Variants in GIPC1 observed in about 807,000 individuals in gnomAD.
The protein encoded by GIPC1 is GIPC PDZ domain containing family member 1.
A neutral mutation model predicts 28.5 loss-of-function variants in GIPC1; 15 were observed. That is an observed-to-expected ratio of 0.53 (90% CI 0.35 to 0.81). GIPC1 has a LOEUF of 0.81. Ranked by LOEUF, GIPC1 falls within the 30% of genes least tolerant of loss-of-function variation. The pLI, the probability that GIPC1 is intolerant of heterozygous loss-of-function variation, is 0.01. For missense variants in GIPC1, 439 were observed against 481.9 expected (o/e 0.91, Z 0.83); for synonymous variants, 224 against 206.1 (o/e 1.09, Z -0.74).
rs751463826 is a variant in GIPC1, at chr19:14,482,696, G to A, written c.281C>T (p.Thr94Ile). Residue 94 changes from threonine (T) to isoleucine (I), a missense_variant, in exon 4 of 9, where the codon ACT (threonine) becomes ATT (isoleucine). Coordinates refer to ENST00000393033, the MANE Select transcript of GIPC1 (RefSeq NM_005716.4). ...CGGCTCCCCAGTGGATACCTCGGCA[G>A]TTGGCAGGCGGAAGGCCTCGGCGAT... is the stretch of plus-strand genomic sequence containing the variant. ...GKIAEAFRLP[T>I]AEVMFCTLNT... 3.8e-5 allele frequency: 61 copies of A among 1,611,236 alleles called. No individual in the cohort carries two copies. The highest frequency in any genetic ancestry group is 1.8e-4 in the Admixed American group (11 of 59,960).
At chr19:14,479,986 G>A (rs560990015) in intron 6 of GIPC1, 3 of 501,184 alleles carry the variant, frequency 6.0e-6, no homozygotes, top group Admixed American at 3.7e-5. Context: ...ATGGAAAAGT[G>A]GGGGGGCTGG....
chr19:14,480,193 C>T lies in GIPC1; in HGVS notation c.655+112G>A, dbSNP rs538326015. 235 of 902,402 alleles carry T rather than the reference C, an allele frequency of 2.6e-4. 2 individuals are homozygous for T. The African/African-American group carries it at 3.3e-3, about 13-fold the overall frequency. 55.9% of individuals were successfully genotyped at this position (902,402 alleles called of 1,614,324 possible). A position where few individuals can be genotyped will look rare whatever the true frequency, so the allele number is the denominator to read the frequency against. On this transcript the variant is annotated intron_variant, in intron 6 of 8. Coordinates refer to ENST00000393033, the MANE Select transcript of GIPC1 (RefSeq NM_005716.4). ...TGCAACCCCTTCCCTTTCTGCAACC[C>T]CTTCCCTTTCGGCAGGCCAGGCTTG...
chr19:14,484,708 T>C (rs2071799389), intron 3 of GIPC1, among the ~76,000 whole-genome samples: 1 of 151,044 alleles, frequency 6.6e-6, no homozygotes, highest in African/African-American at 2.4e-5. Flanking sequence ...GACCGTGCCA[T>C]TGCCTGGGTG....
In GIPC1 at chr19:14,478,937, C is replaced by T. The variant is rs1031357815; in HGVS notation, c.769-172G>A. On this transcript the variant is annotated intron_variant, in intron 7 of 8. Transcript: ENST00000393033. The surrounding 1 kb of genome is among the most constrained non-coding windows in gnomAD (Gnocchi z 5.2). ...CCCCATTTTACTGATGGGCAAACTGCGGCCCATGTGCCCAAGGAAGGTCCC... is the reference window on the plus strand; with the variant it reads ...CCCCATTTTACTGATGGGCAAACTGTGGCCCATGTGCCCAAGGAAGGTCCC... Among the ~76,000 whole-genome samples the T allele has an allele frequency of 2.6e-5, 4 of 152,172 alleles. No homozygotes were observed. The highest frequency in any genetic ancestry group is 9.7e-5 in the African/African-American group (4 of 41,434).
intron 3 of GIPC1, among the ~76,000 whole-genome samples, chr19:14,490,347 C>G (rs1007701052): frequency 4.1e-5 from 6 of 145,142 alleles, no homozygotes; most frequent in Non-Finnish European, 7.6e-5. Context: ...GCCTGGGCAA[C>G]AGAGAGAGAC....
intron 1 of GIPC1, among the ~76,000 whole-genome samples, chr19:14,494,207 C>T (rs944613932): frequency 3.3e-5 from 5 of 152,166 alleles, no homozygotes; most frequent in African/African-American, 1.2e-4. Context: ...ACCCACCTGT[C>T]TCAGCCTCCC....
Position 14,482,906 on chromosome 19 carries a change from C to G in GIPC1, c.71G>C (p.Arg24Pro). 2 of 1,603,826 alleles carry G rather than the reference C, an allele frequency of 1.2e-6. No individual in the cohort carries two copies. Among genetic ancestry groups the G allele is most frequent in the South Asian group, 1.1e-5 (1 of 89,862 alleles). ...TGGCTCCCCCACGCCCAGCCCTCCA[C>G]GGCCTGGCTCAGCCTCCTCATTTTC... ...LVENEEAEPG[R>P]GGLGVGEPGP... Residue 24 changes from arginine to proline, a missense_variant, in exon 4 of 9, where the codon CGT becomes CCT. Coordinates refer to ENST00000393033, the MANE Select transcript of GIPC1 (RefSeq NM_005716.4).
Position 14,482,704 on chromosome 19 carries a change from G to C in GIPC1, c.273C>G (p.Arg91=). The C allele has an allele frequency of 6.2e-7, 1 of 1,611,412 alleles. No homozygotes were observed. Among genetic ancestry groups the C allele is most frequent in the Non-Finnish European group, 8.5e-7 (1 of 1,179,908 alleles). Residue 91 remains arginine, a synonymous_variant, in exon 4 of 9, where the codon CGC becomes CGG. Coordinates refer to ENST00000393033, the MANE Select transcript of GIPC1 (RefSeq NM_005716.4). ...CAGTGGATACCTCGGCAGTTGGCAG[G>C]CGGAAGGCCTCGGCGATCTTGCCAT... is the stretch of plus-strand genomic sequence containing the variant. The part of the protein sequence containing the change: ...ELYGKIAEAF[R]LPTAEVMFCT...
intron 3 of GIPC1, chr19:14,489,369 A>G: frequency 1.3e-6 from 1 of 783,610 alleles, no homozygotes; most frequent in Admixed American, 1.7e-5. Context: ...GGCATCTGTG[A>G]GCCCATGGAG....
At chr19:14,479,363 A>AG (rs2071672645) in intron 7 of GIPC1, 49 bp downstream of exon 7, 4 of 824,660 alleles carry the variant, frequency 4.9e-6, no homozygotes, top group East Asian at 3.4e-5. Flanking sequence ...AAAAAAAAAA[A>AG]AAAGAAAGGG....
At position 14,485,714 on chromosome 19, in the gene GIPC1, G is replaced by T. The variant is rs1318429233; in HGVS notation, c.-30-2708C>A. 5.2e-3 allele frequency among the ~76,000 whole-genome samples: 287 copies of T among 55,432 alleles called. 2 individuals carry two copies. Among genetic ancestry groups the T allele is most frequent in the South Asian group, 8.3e-3 (12 of 1,448 alleles). 36.4% of individuals were successfully genotyped at this position (55,432 alleles called of 152,430 possible). On this transcript the variant is annotated intron_variant, in intron 3 of 8. Transcript: ENST00000393033. ...ATATATATATATATAGAGAGAGAGA[G>T]AGAGAGAGAGAGAGAGAGAGAGAGA... is the stretch of plus-strand genomic sequence containing the variant.
In GIPC1 at chr19:14,482,827, A is replaced by C. The variant is rs982948708; in HGVS notation, c.150T>G (p.Pro50=). The C allele has an allele frequency of 1.5e-6, 2 of 1,347,662 alleles. No individual in the cohort carries two copies. The highest frequency in any genetic ancestry group is 2.1e-6 in the Non-Finnish European group (2 of 970,340). The allele number at this position is 1,347,662 out of a possible 1,614,324, so 83.5% of individuals were successfully genotyped here. A position where few individuals can be genotyped will look rare whatever the true frequency, so the allele number is the denominator to read the frequency against. Residue 50 remains proline, a synonymous_variant, in exon 4 of 9, where the codon CCT becomes CCG. Transcript: ENST00000393033. ...CGAGGCGGGGCCGCAGGGCTGGGGG[A>C]GGGGGGGGCAAGCCCATTTGGGGGC... ...SGGPQMGLPP[P]PPALRPRLVF...
chr19:14,493,862 T>C (rs2072021419), intron 1 of GIPC1, among the ~76,000 whole-genome samples: 1 of 151,680 alleles, frequency 6.6e-6, no homozygotes, highest in Admixed American at 6.6e-5. Context: ...GGTTTCTCCA[T>C]GTTGGTCAGG....
intron 3 of GIPC1, among the ~76,000 whole-genome samples, chr19:14,490,503 C>T (rs2071946313): frequency 6.6e-6 from 1 of 150,842 alleles, no homozygotes; most frequent in East Asian, 1.9e-4. Context: ...CATGGAGAAA[C>T]CCCATCTCTA....
At chr19:14,486,712 C>CTTTTTTTTTTT (rs35491814) in intron 3 of GIPC1, among the ~76,000 whole-genome samples, 1 of 124,756 alleles carries the variant, frequency 8.0e-6, no homozygotes, top group Non-Finnish European at 1.6e-5. Context: ...TTCTTTCTTT[C>CTTTTTTTTTTT]TTTTTTTTTT....
At chr19:14,495,649 A>G (rs929287496) in intron 1 of GIPC1, among the ~76,000 whole-genome samples, 55 of 152,030 alleles carry the variant, frequency 3.6e-4, no homozygotes, top group African/African-American at 1.3e-3. Context: ...CGTGGTCCTC[A>G]CTGCGTCCCC....
rs2071643596 is a variant in GIPC1, at chr19:14,478,307, G to A, written c.*109C>T. ...CACCTCCCCTCACCATCGTCCTTGG[G>A]CTGCTGAGCTAGGCTCAGGCTGGAG... On this transcript the variant is annotated 3_prime_UTR_variant, in exon 9 of 9. Coordinates refer to ENST00000393033, the MANE Select transcript of GIPC1 (RefSeq NM_005716.4). This position sits in a 1 kb window ranked among gnomAD's most constrained non-coding sequence, Gnocchi z 5.2. 8.6e-7 allele frequency: 1 copy of A among 1,156,114 alleles called. No homozygotes were observed. The highest frequency in any genetic ancestry group is 1.5e-5 in the African/African-American group (1 of 64,720). 71.6% of individuals were successfully genotyped at this position (1,156,114 alleles called of 1,614,324 possible).
chr19:14,490,986 A>AAAAAAAG (rs1555722741), intron 3 of GIPC1, among the ~76,000 whole-genome samples: 3 of 149,958 alleles, frequency 2.0e-5, no homozygotes, highest in Non-Finnish European at 4.4e-5. Flanking sequence ...AAAAAAAAAA[A>AAAAAAAG]AAAGAAAGAA....
intron 4 of GIPC1, chr19:14,482,450 T>C (rs71334703): frequency 0.082 from 48,586 of 589,244 alleles, 2,430 homozygotes; most frequent in South Asian, 0.13. Context: ...TCCCAGTGCC[T>C]GATGGGAACT....
Sources: allele counts gnomAD v4.1 joint callset (sites outside exome capture counted in the v4.1 genomes callset), GRCh38; gene constraint gnomAD v4.1.1; non-coding constraint Gnocchi (gnomAD v3.1); transcripts MANE v1.5; gene names NCBI Gene and HGNC (gene_info 2026-07-23, HGNC 2026-07-21).